Variants in CSTPP1 observed in about 807,000 individuals in gnomAD.
The protein encoded by CSTPP1 is UPF0705 protein C11orf49.
At chr11:47,162,031 C>A in the CSTPP1 span, 6 of 1,006,658 alleles carry the variant, frequency 6.0e-6, no homozygotes, top group South Asian at 2.6e-4. Context: ...CGAATAGCCA[C>A]GCAGGGCCTT....
chr11:46,936,822 G>A, the CSTPP1 span: 2 of 1,606,948 alleles, frequency 1.2e-6, no homozygotes, highest in Non-Finnish European at 1.7e-6. Context: ...AGTCCGGAGC[G>A]CCTAGCCCTA....
chr11:47,038,486 G>C, the CSTPP1 span, among the ~76,000 whole-genome samples: 1 of 108,306 alleles, frequency 9.2e-6, no homozygotes, highest in African/African-American at 2.7e-5. Context: ...CGGACGGGGC[G>C]GCCGGCCAGG....
At chr11:47,141,554 C>A in the CSTPP1 span, among the ~76,000 whole-genome samples, 1 of 151,680 alleles carries the variant, frequency 6.6e-6, no homozygotes, top group African/African-American at 2.4e-5. Flanking sequence ...TTGTAGTAAG[C>A]TGAGATTGTG....
chr11:47,162,200 A>T, the CSTPP1 span: 1 of 985,420 alleles, frequency 1.0e-6, no homozygotes, highest in African/African-American at 1.7e-5. Context: ...TGTGTCTAAT[A>T]GCTAAACAAA....
the CSTPP1 span, among the ~76,000 whole-genome samples, chr11:46,970,665 A>G: frequency 6.6e-6 from 1 of 152,132 alleles, no homozygotes; most frequent in African/African-American, 2.4e-5. Context: ...AAATTTGTGT[A>G]CAACAAATAA....
chr11:46,965,833 T>G, the CSTPP1 span, among the ~76,000 whole-genome samples: 7 of 152,192 alleles, frequency 4.6e-5, no homozygotes, highest in Non-Finnish European at 8.8e-5. Flanking sequence ...CATTGTGAAA[T>G]CTAAAACTAC....
chr11:47,017,121 G>A, the CSTPP1 span, among the ~76,000 whole-genome samples: 3 of 150,330 alleles, frequency 2.0e-5, no homozygotes, highest in South Asian at 6.3e-4. Flanking sequence ...AAAGTGCTGG[G>A]ATTACAGGTG....
chr11:47,139,868 A>G, the CSTPP1 span, among the ~76,000 whole-genome samples: 3 of 152,184 alleles, frequency 2.0e-5, no homozygotes, highest in African/African-American at 7.2e-5. Flanking sequence ...GATCGGGAGC[A>G]CAAGGAGTCT....
the CSTPP1 span, among the ~76,000 whole-genome samples, chr11:47,036,261 TAATA>T: frequency 7.9e-5 from 4 of 50,672 alleles, no homozygotes; most frequent in African/African-American, 2.5e-4. Flanking sequence ...ATATATTATA[TAATA>T]TATATATTAT....
chr11:47,036,145 AATATATT>A, the CSTPP1 span, among the ~76,000 whole-genome samples: 1 of 55,220 alleles, frequency 1.8e-5, no homozygotes, highest in East Asian at 3.0e-4. Flanking sequence ...TATAATATAT[AATATATT>A]ATATATAATG....
the CSTPP1 span, among the ~76,000 whole-genome samples, chr11:46,941,984 G>T: frequency 6.6e-6 from 1 of 152,276 alleles, no homozygotes; most frequent in Non-Finnish European, 1.5e-5. Flanking sequence ...CTGCTAGCTA[G>T]GGATTGTATT....
the CSTPP1 span, among the ~76,000 whole-genome samples, chr11:46,943,049 C>A: frequency 6.6e-6 from 1 of 152,114 alleles, no homozygotes; most frequent in Non-Finnish European, 1.5e-5. Flanking sequence ...CATTGTCAAC[C>A]TTCTATCATT....
chr11:47,126,897 C>G, the CSTPP1 span, among the ~76,000 whole-genome samples: 1 of 151,018 alleles, frequency 6.6e-6, no homozygotes, highest in Non-Finnish European at 1.5e-5. Flanking sequence ...GACGCCACCG[C>G]ACTCCAGCCT....
the CSTPP1 span, among the ~76,000 whole-genome samples, chr11:47,006,574 CTCTCTG>C: frequency 6.6e-6 from 1 of 151,302 alleles, no homozygotes; most frequent in Admixed American, 6.6e-5. Flanking sequence ...GTTCTACTCT[CTCTCTG>C]TCTCTGTCTC....
the CSTPP1 span, among the ~76,000 whole-genome samples, chr11:47,037,358 A>T: frequency 8.2e-6 from 1 of 122,292 alleles, no homozygotes; most frequent in African/African-American, 2.5e-5. Context: ...CTTCATATTC[A>T]TTGTTGGTTC....
chr11:46,957,820 G>A, the CSTPP1 span, among the ~76,000 whole-genome samples: 3 of 152,022 alleles, frequency 2.0e-5, no homozygotes, highest in African/African-American at 7.3e-5. Context: ...TATGTTATAT[G>A]AATATCCTTA....
chr11:47,029,140 C>T, the CSTPP1 span, among the ~76,000 whole-genome samples: 4 of 152,138 alleles, frequency 2.6e-5, no homozygotes, highest in Admixed American at 2.6e-4. Flanking sequence ...CCACTGCACC[C>T]AGCCACAGAA....
At chr11:47,161,218 C>T in the CSTPP1 span, 1 of 1,614,140 alleles carries the variant, frequency 6.2e-7, no homozygotes, top group African/African-American at 1.3e-5. Context: ...GGATACTGCC[C>T]CCTTGTGGGG....
At chr11:47,071,645 C>G in the CSTPP1 span, among the ~76,000 whole-genome samples, 3 of 152,098 alleles carry the variant, frequency 2.0e-5, no homozygotes, top group Admixed American at 6.6e-5. Flanking sequence ...CTGGGTCGTG[C>G]TTACTTATAT....
Sources: gnomAD v4.1 joint callset for allele counts (sites outside exome capture counted in the v4.1 genomes callset) on GRCh38, gnomAD v4.1.1 for gene constraint, MANE v1.5 for transcripts, NCBI Gene and HGNC (gene_info 2026-07-23, HGNC 2026-07-21) for gene names.